HMCN1: variants seen among roughly 807,000 people sequenced by gnomAD.
The protein encoded by HMCN1 is hemicentin 1.
A neutral mutation model predicts 625.9 loss-of-function variants in HMCN1; 321 were observed. That is an observed-to-expected ratio of 0.51 (90% CI 0.47 to 0.56). The LOEUF is 0.56. Ranked by LOEUF, HMCN1 falls within the 20% of genes least tolerant of loss-of-function variation. The pLI is 0.00. For missense variants in HMCN1, 6,588 were observed against 6,887.3 expected (o/e 0.96, Z 1.54); for synonymous variants, 2,425 against 2,417.6 (o/e 1.00, Z -0.09).
At position 186,122,984 on chromosome 1, in the gene HMCN1, A is replaced by G; in HGVS notation, c.12263A>G (p.Tyr4088Cys). 1 of 1,614,050 alleles carries G rather than the reference A, an allele frequency of 6.2e-7. No individual in the cohort carries two copies. The highest frequency in any genetic ancestry group is 1.3e-5 in the African/African-American group (1 of 75,036). ...PPVISPHLKE[Y>C]VIAVDKPITL... ...GTCATTAGCCCTCATCTAAAGGAAT[A>G]TGTTATTGCTGTGGACAAGCCCATC... The change falls in exon 81 of 107, where the codon TAT (tyrosine) becomes TGT (cysteine). Residue 4088 changes from tyrosine to cysteine, a missense_variant. Physicochemically the swap from Tyr to Cys is radical, Grantham distance 194. Around this residue, in one of 3 missense-constraint regions of HMCN1, gnomAD observed 1,954 missense variants for 2,013.1 expected, o/e 0.97. Coordinates refer to ENST00000271588, the MANE Select transcript of HMCN1 (RefSeq NM_031935.3).
At chr1:186,041,947 A>C (rs551878543) in intron 40 of HMCN1, among the ~76,000 whole-genome samples, 2 of 152,114 alleles carry the variant, frequency 1.3e-5, no homozygotes, top group African/African-American at 4.8e-5. Context: ...CTTTTTAAAA[A>C]TTTTTACCTC....
At position 186,151,317 on chromosome 1, in the gene HMCN1, G is replaced by A. The variant is rs148097981; in HGVS notation, c.14726G>A (p.Arg4909His). ...DSPNSDTRII[R>H]AKITNVPRSL... ...CCTAACTCTGATACTAGAATAATAC[G>A]TGCCAAAATTACCAATGTACCTCGT... The change falls in exon 94 of 107, where the codon CGT becomes CAT. Residue 4909 changes from arginine to histidine, a missense_variant. This residue lies in a region of HMCN1 where 1,954 missense variants were observed against 2,013.1 expected (regional missense o/e 0.97). Transcript: ENST00000271588. 401 of 1,613,436 alleles carry A rather than the reference G, an allele frequency of 2.5e-4. 1 individual carries two copies. Among genetic ancestry groups the A allele is most frequent in the South Asian group, 5.2e-4 (47 of 91,064 alleles).
At chr1:185,878,700 C>T (rs1664106120) in intron 4 of HMCN1, among the ~76,000 whole-genome samples, 1 of 151,908 alleles carries the variant, frequency 6.6e-6, no homozygotes, top group Non-Finnish European at 1.5e-5. Flanking sequence ...TTTTACAGTA[C>T]TTCTCTCTAT....
chr1:185,765,826 G>A (rs1655838114), intron 1 of HMCN1, among the ~76,000 whole-genome samples: 1 of 152,200 alleles, frequency 6.6e-6, no homozygotes, highest in Non-Finnish European at 1.5e-5. Flanking sequence ...CCAGCAATCT[G>A]TGTTCTAATC....
At chr1:185,887,915 G>T (rs1460570228) in intron 4 of HMCN1, among the ~76,000 whole-genome samples, 1 of 143,790 alleles carries the variant, frequency 7.0e-6, no homozygotes, top group South Asian at 2.3e-4. Flanking sequence ...CTAGTTTACA[G>T]TCCCAGCAAC....
chr1:186,184,222 A>C (rs1027820502), intron 105 of HMCN1, among the ~76,000 whole-genome samples: 2 of 152,198 alleles, frequency 1.3e-5, no homozygotes, highest in African/African-American at 4.8e-5. Flanking sequence ...TTTTAAAAAG[A>C]CTTGAGAGAA....
intron 11 of HMCN1, among the ~76,000 whole-genome samples, chr1:185,949,969 G>T (rs1369689647): frequency 6.6e-6 from 1 of 151,558 alleles, no homozygotes; most frequent in African/African-American, 2.4e-5. Flanking sequence ...TCTAAGAGGC[G>T]GGCTAGTGGC....
In HMCN1 at chr1:185,965,791, GT is replaced by G. The variant is rs758484035; in HGVS notation, c.2099-4del. The G allele has an allele frequency of 1.3e-6, 2 of 1,529,070 alleles. No individual in the cohort carries two copies. Among genetic ancestry groups the G allele is most frequent in the Admixed American group, 1.7e-5 (1 of 59,780 alleles). 94.7% of individuals were successfully genotyped at this position (1,529,070 alleles called of 1,614,324 possible). On this transcript the variant is annotated splice_polypyrimidine_tract_variant and intron_variant, in intron 13 of 106. Transcript: ENST00000271588. ...CTAAATGTTGACTATTTGCGTTTTT[GT>G]TTTTTTCAGAAGCCCCTAAGTTGAT...
intron 104 of HMCN1, 122 bp from the exon 105 acceptor site, chr1:186,182,046 A>ATGAG: frequency 9.5e-7 from 1 of 1,050,002 alleles, no homozygotes; most frequent in Non-Finnish European, 1.5e-6. Context: ...TTTTTAACAC[A>ATGAG]TGAGTATAAA....
chr1:185,966,901 G>T (rs913335828), intron 14 of HMCN1, among the ~76,000 whole-genome samples: 1 of 152,058 alleles, frequency 6.6e-6, no homozygotes, highest in African/African-American at 2.4e-5. Flanking sequence ...AAGCAAGGTG[G>T]AAACTAGGAA....
chr1:186,057,156 T>A, intron 45 of HMCN1, 78 bp from the exon 46 acceptor site: 1 of 1,145,316 alleles, frequency 8.7e-7, no homozygotes, highest in South Asian at 1.3e-5. Flanking sequence ...TGATGTTTGA[T>A]ATACAACATC....
chr1:185,917,876 T>C (rs749464665), intron 6 of HMCN1, among the ~76,000 whole-genome samples: 9 of 152,154 alleles, frequency 5.9e-5, no homozygotes, highest in Non-Finnish European at 1.0e-4. Flanking sequence ...TGTTCAATTG[T>C]CCTTCAGCCT....
intron 1 of HMCN1, among the ~76,000 whole-genome samples, chr1:185,774,655 C>T (rs1055767585): frequency 9.9e-5 from 15 of 152,082 alleles, no homozygotes; most frequent in African/African-American, 3.1e-4. Flanking sequence ...GAATGCACAG[C>T]GACCCTTGAA....
intron 1 of HMCN1, among the ~76,000 whole-genome samples, chr1:185,771,682 T>C (rs1285916665): frequency 6.6e-6 from 1 of 152,170 alleles, no homozygotes; most frequent in Non-Finnish European, 1.5e-5. Flanking sequence ...TACCAAATTA[T>C]TAAAATTTGG....
chr1:186,097,278 T>C (rs1381593883), intron 68 of HMCN1, among the ~76,000 whole-genome samples: 1 of 152,134 alleles, frequency 6.6e-6, no homozygotes, highest in Non-Finnish European at 1.5e-5. Flanking sequence ...ATAATCCCAT[T>C]TACTGTCAGC....
At chr1:186,075,069 C>G (rs1043248829) in intron 53 of HMCN1, among the ~76,000 whole-genome samples, 178 bp downstream of exon 53, 4 of 152,086 alleles carry the variant, frequency 2.6e-5, no homozygotes, top group Non-Finnish European at 5.9e-5. Context: ...AGGATTGCCT[C>G]TGTTATTTTT....
chr1:185,871,754 A>G (rs953194547), intron 4 of HMCN1, among the ~76,000 whole-genome samples: 2 of 151,646 alleles, frequency 1.3e-5, no homozygotes, highest in Non-Finnish European at 2.9e-5. Flanking sequence ...ACTTAAAAAA[A>G]ACTGTAAACT....
rs1280946271 is a variant in HMCN1, at chr1:185,810,430, T to G, written c.269-35596T>G. Among the ~76,000 whole-genome samples, 3 of 152,178 alleles carry G rather than the reference T, an allele frequency of 2.0e-5. 1 individual carries two copies. The highest frequency in any genetic ancestry group is 7.2e-5 in the African/African-American group (3 of 41,454). On this transcript the variant is annotated intron_variant, in intron 1 of 106. Coordinates refer to ENST00000271588, the MANE Select transcript of HMCN1 (RefSeq NM_031935.3). ...GATTCACAGACATCACATTAATGAC[T>G]GAAAGTGAAACTCAGTTATAAGAAA... is the stretch of plus-strand genomic sequence containing the variant.
At chr1:185,897,746 A>C (rs1665569230) in intron 4 of HMCN1, among the ~76,000 whole-genome samples, 1 of 152,192 alleles carries the variant, frequency 6.6e-6, no homozygotes, top group Non-Finnish European at 1.5e-5. Flanking sequence ...ACTAGACCAT[A>C]AACCCCTAAA....
Sources: gnomAD v4.1 joint callset for allele counts (sites outside exome capture counted in the v4.1 genomes callset) on GRCh38, gnomAD v4.1.1 for gene constraint, gnomAD v4.1.1 regional missense constraint, MANE v1.5 for transcripts, NCBI Gene and HGNC (gene_info 2026-07-23, HGNC 2026-07-21) for gene names.